UHRF2: variants seen among roughly 807,000 people sequenced by gnomAD.
UHRF2 encodes E3 ubiquitin-protein ligase UHRF2.
UHRF2 carries 23 observed loss-of-function variants against 96.8 expected under a neutral mutation model. The ratio of observed to expected loss-of-function variants is 0.24; its 90% CI spans 0.17 to 0.34. The LOEUF is 0.34. Among genes scored for constraint, UHRF2 ranks in the 10% least tolerant of loss-of-function variants. UHRF2 has a pLI of 1.00. For missense variants in UHRF2, 685 were observed against 981.5 expected, an observed-to-expected ratio of 0.70 and a Z score of 4.04; for synonymous variants, 385 against 332.6, an observed-to-expected ratio of 1.16 and a Z score of -1.72.
intron 4 of UHRF2, among the ~76,000 whole-genome samples, chr9:6,462,064 T>C (rs1822576661): frequency 6.6e-6 from 1 of 152,034 alleles, no homozygotes; most frequent in South Asian, 2.1e-4. Context: ...ACTGGATTAG[T>C]GATACAAGGT....
chr9:6,420,071 T>A (rs1262241902), intron 1 of UHRF2, among the ~76,000 whole-genome samples: 3 of 151,778 alleles, frequency 2.0e-5, no homozygotes, highest in African/African-American at 7.3e-5. Flanking sequence ...TTTTTTTTTT[T>A]CTTTTTTGAC....
chr9:6,505,951 G>C, intron 15 of UHRF2, 82 bp from the exon 16 acceptor site: 1 of 1,447,004 alleles, frequency 6.9e-7, no homozygotes, highest in South Asian at 1.2e-5. Context: ...CCAGTTTCTG[G>C]TTCCTATTTA....
In UHRF2 at chr9:6,433,904, C is replaced by CT; in HGVS notation, c.385-3dup. 1.9e-6 allele frequency: 3 copies of CT among 1,595,506 alleles called. No individual in the cohort carries two copies. Among genetic ancestry groups the CT allele is most frequent in the Non-Finnish European group, 8.6e-7 (1 of 1,167,632 alleles). On this transcript the variant is annotated splice_polypyrimidine_tract_variant and intron_variant, in intron 2 of 15. Transcript: ENST00000276893. The stretch of plus-strand genomic sequence containing the variant: ...TTAAGCTTCATTAACTGATTTTAAA[C>CT]TTTTTTTAGGTAAATGAATTGGTGG...
chr9:6,474,514 C>G (rs1311938085), intron 4 of UHRF2, among the ~76,000 whole-genome samples: 1 of 151,960 alleles, frequency 6.6e-6, no homozygotes, highest in African/African-American at 2.4e-5. Flanking sequence ...GAGACGAGCC[C>G]AGCCAACATG....
At chr9:6,496,393 A>G (rs1402494076) in intron 10 of UHRF2, 2 of 152,248 alleles carry the variant, frequency 1.3e-5, no homozygotes, top group Non-Finnish European at 2.9e-5. Context: ...AGATTTTGGT[A>G]CAACTAGGTT....
intron 3 of UHRF2, among the ~76,000 whole-genome samples, chr9:6,457,790 T>G (rs1234246903): frequency 3.3e-5 from 5 of 152,198 alleles, no homozygotes; most frequent in Admixed American, 3.3e-4. Flanking sequence ...TAGTTCTGTT[T>G]ATGTGATGGA....
chr9:6,417,742 T>C (rs781635155), intron 1 of UHRF2, among the ~76,000 whole-genome samples: 7 of 152,220 alleles, frequency 4.6e-5, no homozygotes, highest in East Asian at 1.9e-4. Flanking sequence ...ATGTAACTTA[T>C]AGGGTCTCAT....
intron 4 of UHRF2, among the ~76,000 whole-genome samples, chr9:6,474,828 A>G (rs907318727): frequency 6.6e-6 from 1 of 152,222 alleles, no homozygotes; most frequent in African/African-American, 2.4e-5. Flanking sequence ...ATGGTGTAGT[A>G]TTTGAAAGAC....
intron 14 of UHRF2, among the ~76,000 whole-genome samples, chr9:6,502,695 C>T (rs1291836522): frequency 6.6e-6 from 1 of 152,126 alleles, no homozygotes; most frequent in Non-Finnish European, 1.5e-5. Context: ...TAGATGAGTG[C>T]CTAGCACATT....
Position 6,420,530 on chromosome 9 carries a change from G to A in UHRF2, c.154-382G>A, listed in dbSNP as rs571765938. Among the ~76,000 whole-genome samples the A allele has an allele frequency of 7.3e-5, 11 of 151,302 alleles. 1 individual carries two copies. Among genetic ancestry groups the A allele is most frequent in the Non-Finnish European group, 1.3e-4 (9 of 67,816 alleles). On this transcript the variant is annotated intron_variant, in intron 1 of 15. Coordinates refer to ENST00000276893, the MANE Select transcript of UHRF2 (RefSeq NM_152896.3). ...ATCCTGGCAAACACGGTGAAACCCC[G>A]TCTCTACTAAAAATACAAAAAAAAA...
At chr9:6,474,472 G>A (rs961232332) in intron 4 of UHRF2, among the ~76,000 whole-genome samples, 2 of 152,136 alleles carry the variant, frequency 1.3e-5, no homozygotes, top group South Asian at 2.1e-4. Flanking sequence ...TTGGGAGGCC[G>A]AGGCGGGCAG....
At chr9:6,488,965 G>A (rs749911749) in intron 9 of UHRF2, among the ~76,000 whole-genome samples, 16 of 151,560 alleles carry the variant, frequency 1.1e-4, no homozygotes, top group Non-Finnish European at 2.1e-4. Flanking sequence ...GGCATGCATC[G>A]CCATTGACTA....
intron 3 of UHRF2, among the ~76,000 whole-genome samples, chr9:6,438,279 A>G (rs936999008): frequency 1.3e-5 from 2 of 152,198 alleles, no homozygotes; most frequent in African/African-American, 4.8e-5. Context: ...AGCATTGGCC[A>G]TTTTCAACCA....
intron 14 of UHRF2, among the ~76,000 whole-genome samples, chr9:6,504,043 T>TTTA (rs1563813356): frequency 7.1e-6 from 1 of 140,298 alleles, no homozygotes; most frequent in Non-Finnish European, 1.6e-5. Context: ...TTTTTTTTTT[T>TTTA]AAGACCGAGT....
intron 9 of UHRF2, among the ~76,000 whole-genome samples, chr9:6,491,401 C>G (rs1824652019): frequency 6.6e-6 from 1 of 152,158 alleles, no homozygotes; most frequent in South Asian, 2.1e-4. Context: ...ACCACCTAAC[C>G]CACCAGTAGT....
intron 1 of UHRF2, chr9:6,413,983 C>G (rs1346264356): frequency 5.2e-6 from 1 of 192,878 alleles, no homozygotes; most frequent in East Asian, 1.2e-4. Flanking sequence ...CTGGGGCCCC[C>G]AGAGGGCGGG....
chr9:6,447,699 C>T (rs1821601608), intron 3 of UHRF2, among the ~76,000 whole-genome samples: 1 of 152,142 alleles, frequency 6.6e-6, no homozygotes, highest in Non-Finnish European at 1.5e-5. Context: ...AATCCATAAA[C>T]CCCCGAGGAC....
At chr9:6,419,621 A>G (rs1819811833) in intron 1 of UHRF2, among the ~76,000 whole-genome samples, 1 of 152,242 alleles carries the variant, frequency 6.6e-6, no homozygotes, top group African/African-American at 2.4e-5. Context: ...GAAAATTCAC[A>G]TTTCTTGAAG....
intron 2 of UHRF2, among the ~76,000 whole-genome samples, chr9:6,428,252 C>T (rs1389101791): frequency 6.6e-6 from 1 of 152,084 alleles, no homozygotes; most frequent in Non-Finnish European, 1.5e-5. Context: ...TTAGACAATA[C>T]AAAGAGCACG....
Sources: gnomAD v4.1 joint callset for allele counts (sites outside exome capture counted in the v4.1 genomes callset) on GRCh38, gnomAD v4.1.1 for gene constraint, MANE v1.5 for transcripts, NCBI Gene and HGNC (gene_info 2026-07-23, HGNC 2026-07-21) for gene names.